The following TOP2B variants were observed in gnomAD, a reference collection of about 807,000 sequenced individuals.
The protein encoded by TOP2B is DNA topoisomerase II beta, also known as DNA topoisomerase 2-beta.
TOP2B carries 51 observed loss-of-function variants against 193.5 expected under a neutral mutation model. The ratio of observed to expected loss-of-function variants is 0.26; its 90% CI spans 0.21 to 0.33. TOP2B has a LOEUF of 0.33. Among genes scored for constraint, TOP2B ranks in the 10% least tolerant of loss-of-function variants. The pLI, the probability that TOP2B is intolerant of heterozygous loss-of-function variation, is 1.00. For synonymous variants in TOP2B, 634 were observed against 635.7 expected (o/e 1.00, Z 0.04); for missense variants, 1,378 against 1,909.3 (o/e 0.72, Z 5.19).
intron 1 of TOP2B, among the ~76,000 whole-genome samples, chr3:25,656,460 T>TA (rs1236257501): frequency 6.6e-6 from 1 of 151,934 alleles, no homozygotes; most frequent in African/African-American, 2.4e-5. Flanking sequence ...AATAAATAGA[T>TA]AAAAAACAAA....
In TOP2B at chr3:25,612,690, C is replaced by T. The variant is rs1248583050; in HGVS notation, c.3611G>A (p.Arg1204Gln). 1.2e-6 allele frequency: 2 copies of T among 1,613,266 alleles called. No homozygotes were observed. The highest frequency in any genetic ancestry group is 8.5e-7 in the Non-Finnish European group (1 of 1,179,596). ...AGACATTCCAGCCAGAACATCTTCT[C>T]GTTCTTGAGATTCCACTTTCTAAAG... ...EELDKVESQE[R>Q]EDVLAGMSGK... Residue 1204 changes from arginine to glutamine, a missense_variant, in exon 28 of 36, where the codon CGA becomes CAA. Physicochemically the swap from Arg to Gln is conservative, Grantham distance 43. Around this residue, in one of 9 missense-constraint regions of TOP2B, gnomAD observed 556 missense variants for 584.2 expected, o/e 0.95. Transcript: ENST00000264331.
At chr3:25,612,491 T>C (rs1240558049) in intron 28 of TOP2B, 24 bp downstream of exon 28, 7 of 1,547,250 alleles carry the variant, frequency 4.5e-6, no homozygotes, top group Non-Finnish European at 6.1e-6. Flanking sequence ...AATGAGTCTA[T>C]CAATGACAAG....
chr3:25,623,721 C>A lies in TOP2B; in HGVS notation c.2521G>T (p.Ala841Ser). The change falls in exon 21 of 36, where the codon GCT (alanine) becomes TCT (serine). Residue 841 changes from alanine to serine, a missense_variant. Ala to Ser is a moderately conservative substitution (Grantham distance 99, BLOSUM62 1). Around this residue, in one of 9 missense-constraint regions of TOP2B, gnomAD observed 379 missense variants for 615.1 expected, o/e 0.62. Transcript: ENST00000264331. ...LSTLARLLFP[A>S]VDDNLLKFLY... ...AACTTAAGGAGGTTGTCATCCACAG[C>A]AGGAAAAAGTAGCCTTGCTAAAGTG... 1 of 1,612,932 alleles carries A rather than the reference C, an allele frequency of 6.2e-7. No individual in the cohort carries two copies. Among genetic ancestry groups the A allele is most frequent in the African/African-American group, 1.3e-5 (1 of 74,960 alleles).
chr3:25,614,621 T>TA lies in TOP2B; in HGVS notation c.3591+583dup, dbSNP rs879768320. 2.0e-3 allele frequency among the ~76,000 whole-genome samples: 296 copies of TA among 146,020 alleles called. 1 individual carries two copies. Among genetic ancestry groups the TA allele is most frequent in the African/African-American group, 3.9e-3 (156 of 40,140 alleles). On this transcript the variant is annotated intron_variant, in intron 27 of 35. Transcript: ENST00000264331. The stretch of plus-strand genomic sequence containing the variant: ...AGACAATAAATCAACAAAGCAACTT[T>TA]AAAAAAAAAAAGTAGTATGAGTAAT...
intron 25 of TOP2B, chr3:25,615,940 G>T (rs1158321718): frequency 1.9e-5 from 3 of 159,340 alleles, no homozygotes; most frequent in Middle Eastern, 2.9e-3. Flanking sequence ...CATCTTGTCA[G>T]ATTTTTATAC....
chr3:25,609,309 T>C lies in TOP2B; in HGVS notation c.3967A>G (p.Lys1323Glu). Residue 1323 changes from lysine (K) to glutamate (E), a missense_variant, in exon 30 of 36, where the codon AAA (lysine) becomes GAA (glutamate). By Grantham distance (56) the Lys-to-Glu change is moderately conservative. Transcript: ENST00000264331. ...RVRKTPTSSG[K>E]PSAKKVKKRN... ...TTCTTCACTTTCTTTGCACTAGGTT[T>C]ACCAGATGATGTAGGTGTTTTTCTC... The C allele has an allele frequency of 1.3e-6, 2 of 1,598,116 alleles. No individual in the cohort carries two copies. Among genetic ancestry groups the C allele is most frequent in the South Asian group, 2.3e-5 (2 of 88,844 alleles).
chr3:25,646,827 A>C (rs1284894181), intron 1 of TOP2B, among the ~76,000 whole-genome samples: 4 of 152,220 alleles, frequency 2.6e-5, no homozygotes, highest in Admixed American at 2.0e-4. Context: ...AACGAAGATA[A>C]GAATTTAATA....
In TOP2B at chr3:25,625,805, A is replaced by G. The variant is rs1702786153; in HGVS notation, c.2224+755T>C. 2.0e-5 allele frequency among the ~76,000 whole-genome samples: 3 copies of G among 152,216 alleles called. No homozygotes were observed. In the South Asian group the frequency reaches 6.2e-4, roughly 31 times the overall value. Reference sequence around the variant, plus strand: ...CCCAGAGTATGGTAAAAACATGAGGATGATAAAATATGGCAACTTCTTTAA... The same window carrying G: ...CCCAGAGTATGGTAAAAACATGAGGGTGATAAAATATGGCAACTTCTTTAA... On this transcript the variant is annotated intron_variant, in intron 18 of 35. Coordinates refer to ENST00000264331, the MANE Select transcript of TOP2B (RefSeq NM_001330700.2).
intron 13 of TOP2B, 131 bp downstream of exon 13, chr3:25,629,898 T>A: frequency 1.0e-6 from 1 of 1,001,062 alleles, no homozygotes; most frequent in Non-Finnish European, 1.4e-6. Context: ...GACGTGGTTT[T>A]TTCATTTTTT....
chr3:25,604,815 T>A lies in TOP2B; in HGVS notation c.4434A>T (p.Ser1478=). 6.2e-7 allele frequency: 1 copy of A among 1,613,068 alleles called. No homozygotes were observed. The highest frequency in any genetic ancestry group is 8.5e-7 in the Non-Finnish European group (1 of 1,179,412). ...EEDSASVFSP[S]FGLKQTDKVP... ...CTTTATCTGTCTGTTTCAGACCAAA[T>A]GATGGTGAAAAAACAGAAGCAGAAT... The change falls in exon 33 of 36, where the codon TCA becomes TCT. Residue 1478 remains serine (S), a synonymous_variant. Transcript: ENST00000264331.
At chr3:25,615,809 A>G (rs1334011175) in intron 25 of TOP2B, 4 of 323,482 alleles carry the variant, frequency 1.2e-5, no homozygotes, top group South Asian at 1.4e-4. Flanking sequence ...AATGGTATAC[A>G]CTATCCCTAT....
Position 25,635,916 on chromosome 3 carries a change from CTA to C in TOP2B, c.852+18_852+19del, listed in dbSNP as rs768990373. ...TCTATAAAATAACATAGTATTAAAA[CTA>C]TTTTACAGGACACTTACAGGCAATT... is the stretch of plus-strand genomic sequence containing the variant. On this transcript the variant is annotated intron_variant, in intron 7 of 35. Transcript: ENST00000264331. 6.2e-7 allele frequency: 1 copy of C among 1,601,612 alleles called. No individual in the cohort carries two copies. Among genetic ancestry groups the C allele is most frequent in the South Asian group, 1.1e-5 (1 of 89,990 alleles).
intron 1 of TOP2B, among the ~76,000 whole-genome samples, chr3:25,650,768 T>G (rs1295635256): frequency 6.6e-6 from 1 of 152,232 alleles, no homozygotes; most frequent in African/African-American, 2.4e-5. Flanking sequence ...GCTTCATCTT[T>G]AACATCATCT....
intron 1 of TOP2B, among the ~76,000 whole-genome samples, chr3:25,653,674 C>T (rs2125405898): frequency 6.6e-6 from 1 of 152,226 alleles, no homozygotes; most frequent in Middle Eastern, 3.4e-3. Context: ...AAGCGATTCT[C>T]CTGCATTGGC....
At chr3:25,609,044 T>C in intron 30 of TOP2B, 139 bp downstream of exon 30, 1 of 621,528 alleles carries the variant, frequency 1.6e-6, no homozygotes, top group Non-Finnish European at 2.4e-6. Context: ...GACTGTTCTA[T>C]AAGGCAATTT....
At chr3:25,649,609 GAA>G (rs200542692) in intron 1 of TOP2B, among the ~76,000 whole-genome samples, 1 of 132,754 alleles carries the variant, frequency 7.5e-6, no homozygotes, top group Non-Finnish European at 1.7e-5. Context: ...AGTACTGAAA[GAA>G]AAAAAAAAAA....
rs916846207 is a variant in TOP2B, at chr3:25,620,760, A to G, written c.2784T>C (p.Tyr928=). ...CTACAAATATTTCACCACTGACTGCATACTGGTTTTGACCAAGTTCTTGAA... is the reference window on the plus strand; with the variant it reads ...CTACAAATATTTCACCACTGACTGCGTACTGGTTTTGACCAAGTTCTTGAA... ...GTIQELGQNQ[Y]AVSGEIFVVD... Residue 928 remains tyrosine (Y), a synonymous_variant, in exon 22 of 36, where the codon TAT becomes TAC. Transcript: ENST00000264331. 1.9e-6 allele frequency: 3 copies of G among 1,613,436 alleles called. No individual in the cohort carries two copies. The highest frequency in any genetic ancestry group is 2.5e-6 in the Non-Finnish European group (3 of 1,179,668).
intron 34 of TOP2B, among the ~76,000 whole-genome samples, chr3:25,600,531 G>C (rs1043593777): frequency 2.0e-5 from 3 of 152,156 alleles, no homozygotes; most frequent in African/African-American, 7.2e-5. Flanking sequence ...CACTGAGGAA[G>C]ATATCCTTCA....
rs56986587 is a variant in TOP2B, at chr3:25,638,314, TAAAAAAAAAAAAAA to T, written c.396-18_396-5del. On this transcript the variant is annotated splice_region_variant and splice_polypyrimidine_tract_variant and intron_variant, in intron 4 of 35. Coordinates refer to ENST00000264331, the MANE Select transcript of TOP2B (RefSeq NM_001330700.2). The stretch of plus-strand genomic sequence containing the variant: ...AATGCTTATAATGTTAGATTCACTG[TAAAAAAAAAAAAAA>T]AAAAAAAAAAAAAAAAAAAAAAAAG... The T allele has an allele frequency of 4.4e-3, 585 of 131,814 alleles. 5 individuals are homozygous for T. Among genetic ancestry groups the T allele is most frequent in the East Asian group, 0.013 (54 of 4,062 alleles). The allele number at this position is 131,814 out of a possible 1,614,324, so 8.2% of individuals were successfully genotyped here.
Sources: allele counts gnomAD v4.1 joint callset (sites outside exome capture counted in the v4.1 genomes callset), GRCh38; gene constraint gnomAD v4.1.1; regional missense constraint gnomAD v4.1.1; transcripts MANE v1.5; gene names NCBI Gene and HGNC (gene_info 2026-07-23, HGNC 2026-07-21).